Variants in CA10 observed in about 807,000 individuals in gnomAD.
CA10 encodes carbonic anhydrase-related protein 10.
A neutral mutation model predicts 44.2 loss-of-function variants in CA10; 14 were observed. The observed-to-expected ratio is 0.32, with a 90% CI of 0.21 to 0.50. The LOEUF is 0.50. CA10 is among the 20% of genes least tolerant of loss of function. The pLI is 0.99. For synonymous variants in CA10, 159 were observed against 141.6 expected, an observed-to-expected ratio of 1.12 and a Z score of -0.87; for missense variants, 350 against 409.7, an observed-to-expected ratio of 0.85 and a Z score of 1.26.
At chr17:51,672,274 T>C (rs1914458010) in intron 4 of CA10, among the ~76,000 whole-genome samples, 1 of 152,190 alleles carries the variant, frequency 6.6e-6, no homozygotes, top group Non-Finnish European at 1.5e-5. Context: ...GCCCAGTGTG[T>C]ACAGGATCAC....
intron 3 of CA10, among the ~76,000 whole-genome samples, chr17:51,834,655 AAAGT>A (rs1908408707): frequency 6.6e-6 from 1 of 152,220 alleles, no homozygotes; most frequent in South Asian, 2.1e-4. Flanking sequence ...GGCAGGTGAC[AAAGT>A]AATAAGGCTT....
chr17:51,935,804 A>C (rs950160322), intron 2 of CA10, among the ~76,000 whole-genome samples: 7 of 152,180 alleles, frequency 4.6e-5, no homozygotes, highest in Non-Finnish European at 1.0e-4. Flanking sequence ...CCAGCTGTTT[A>C]ATAACACACC....
chr17:52,140,239 T>C (rs1989447698), intron 1 of CA10, among the ~76,000 whole-genome samples: 1 of 152,238 alleles, frequency 6.6e-6, no homozygotes, highest in South Asian at 2.1e-4. Context: ...ATGTTTAATG[T>C]ACTTCAATAA....
chr17:51,775,648 A>G (rs1219739260), intron 3 of CA10, among the ~76,000 whole-genome samples: 5 of 152,218 alleles, frequency 3.3e-5, no homozygotes, highest in Admixed American at 3.3e-4. Flanking sequence ...GCATTTAACA[A>G]TGAAATGCAC....
In CA10 at chr17:51,826,359, C is replaced by T. The variant is rs563268287; in HGVS notation, c.280-78541G>A. 3.3e-5 allele frequency among the ~76,000 whole-genome samples: 5 copies of T among 152,300 alleles called. No homozygotes were observed. The East Asian group carries it at 9.7e-4, about 29-fold the overall frequency. Reference sequence around the variant, plus strand: ...TTCTGCCTTCAGGTTCCAACGTGACCTTTCCAGCTCCAACGTGAGGAAAGC... The same window carrying T: ...TTCTGCCTTCAGGTTCCAACGTGACTTTTCCAGCTCCAACGTGAGGAAAGC... On this transcript the variant is annotated intron_variant, in intron 3 of 8. Coordinates refer to ENST00000451037, the MANE Select transcript of CA10 (RefSeq NM_020178.5).
intron 2 of CA10, among the ~76,000 whole-genome samples, chr17:51,937,249 C>T (rs1256122983): frequency 6.6e-6 from 1 of 152,154 alleles, no homozygotes; most frequent in Non-Finnish European, 1.5e-5. Context: ...AATAAGAACT[C>T]ATATCTTTCC....
chr17:51,768,814 G>C (rs1905487602), intron 3 of CA10, among the ~76,000 whole-genome samples: 1 of 152,170 alleles, frequency 6.6e-6, no homozygotes, highest in Non-Finnish European at 1.5e-5. Flanking sequence ...CTCTGTTAAA[G>C]CTCTCTTTCC....
intron 3 of CA10, among the ~76,000 whole-genome samples, chr17:51,821,105 C>CT (rs1318311217): frequency 1.6e-5 from 2 of 124,882 alleles, no homozygotes; most frequent in Admixed American, 8.8e-5. Context: ...TCCTTCCTTC[C>CT]TTCCTTTCCT....
At chr17:52,016,865 A>G (rs1404555077) in intron 2 of CA10, among the ~76,000 whole-genome samples, 1 of 152,164 alleles carries the variant, frequency 6.6e-6, no homozygotes, top group African/African-American at 2.4e-5. Flanking sequence ...GTGAGCCGAT[A>G]CTGTGCCACT....
chr17:51,686,536 A>AT lies in CA10; in HGVS notation c.466-32801dup, dbSNP rs759311528. Among the ~76,000 whole-genome samples the AT allele has an allele frequency of 2.0e-5, 3 of 152,208 alleles. No homozygotes were observed. In the East Asian group the frequency reaches 5.8e-4, roughly 29 times the overall value. On this transcript the variant is annotated intron_variant, in intron 4 of 8. Transcript: ENST00000451037. ...GTCTCAAAGTTTTCTATGTATTAGA[A>AT]TCACCTTGAGGATATTAAAAAAAAT...
chr17:52,067,405 G>C (rs1034013297), intron 2 of CA10, among the ~76,000 whole-genome samples: 4 of 152,254 alleles, frequency 2.6e-5, no homozygotes, highest in Non-Finnish European at 2.9e-5. Context: ...CCCAGATTTT[G>C]GATGACGTAG....
chr17:52,062,065 CTTTTTTTTTTT>C (rs56369087), intron 2 of CA10, among the ~76,000 whole-genome samples: 1 of 115,838 alleles, frequency 8.6e-6, no homozygotes, highest in Non-Finnish European at 1.7e-5. Context: ...GGTGTGGCCA[CTTTTTTTTTTT>C]TTTTTTTTTG....
intron 1 of CA10, among the ~76,000 whole-genome samples, chr17:52,104,574 T>C (rs1988616780): frequency 6.6e-6 from 1 of 152,166 alleles, no homozygotes; most frequent in Admixed American, 6.5e-5. Context: ...GAGAACTTTG[T>C]CAAAGCATCC....
intron 2 of CA10, among the ~76,000 whole-genome samples, chr17:51,997,212 T>C (rs1567913662): frequency 6.6e-6 from 1 of 152,096 alleles, no homozygotes; most frequent in Non-Finnish European, 1.5e-5. Context: ...CTTACGCTAA[T>C]TTACCATTGT....
At chr17:51,836,040 A>C (rs1398003073) in intron 3 of CA10, among the ~76,000 whole-genome samples, 1 of 152,278 alleles carries the variant, frequency 6.6e-6, no homozygotes, top group Non-Finnish European at 1.5e-5. Flanking sequence ...GAGGAAAGAG[A>C]AGGAGGAACA....
chr17:51,723,450 G>C (rs1937631324), intron 4 of CA10, among the ~76,000 whole-genome samples: 1 of 152,168 alleles, frequency 6.6e-6, no homozygotes, highest in Non-Finnish European at 1.5e-5. Context: ...AGTGCTACTG[G>C]TGCCTGGGAT....
chr17:51,869,105 CA>C (rs1186203990), intron 3 of CA10, among the ~76,000 whole-genome samples: 1 of 151,862 alleles, frequency 6.6e-6, no homozygotes, highest in South Asian at 2.1e-4. Context: ...TATAAATTAT[CA>C]GGGGGGAAAA....
chr17:52,018,795 T>A (rs1986047460), intron 2 of CA10, among the ~76,000 whole-genome samples: 1 of 152,074 alleles, frequency 6.6e-6, no homozygotes, highest in Non-Finnish European at 1.5e-5. Context: ...GGTATGGATA[T>A]TTTGCCATTT....
intron 3 of CA10, among the ~76,000 whole-genome samples, chr17:51,805,530 C>G (rs1415404630): frequency 2.0e-5 from 3 of 152,182 alleles, no homozygotes. Flanking sequence ...ATTCTCAGAT[C>G]AATCAAATCA....
Sources: allele counts gnomAD v4.1 joint callset (sites outside exome capture counted in the v4.1 genomes callset), GRCh38; gene constraint gnomAD v4.1.1; transcripts MANE v1.5; gene names NCBI Gene and HGNC (gene_info 2026-07-23, HGNC 2026-07-21).